SRD5A2: variants seen among roughly 807,000 people sequenced by gnomAD.
SRD5A2 encodes the protein 3-oxo-5-alpha-steroid 4-dehydrogenase 2.
Under a neutral mutation model 27.4 loss-of-function variants are expected in SRD5A2, and 30 were observed. The ratio of observed to expected loss-of-function variants is 1.10; its 90% CI spans 0.82 to 1.49. SRD5A2 has a LOEUF of 1.49. Among genes scored for constraint, SRD5A2 ranks in the 40% most tolerant of loss-of-function variants. The pLI, the probability that SRD5A2 is intolerant of heterozygous loss-of-function variation, is 0.00. For missense variants in SRD5A2, 348 were observed against 323.4 expected (o/e 1.08, Z -0.58); for synonymous variants, 141 against 133.6 (o/e 1.06, Z -0.38).
chr2:31,622,605 G>C, the SRD5A2 span, among the ~76,000 whole-genome samples: 2 of 152,106 alleles, frequency 1.3e-5, no homozygotes, highest in Admixed American at 6.6e-5. Flanking sequence ...AATACTGGCT[G>C]CAGGCATTGC....
the SRD5A2 span, among the ~76,000 whole-genome samples, chr2:31,586,512 G>A: frequency 6.6e-6 from 1 of 152,168 alleles, no homozygotes; most frequent in Non-Finnish European, 1.5e-5. Context: ...CAGGGGTGCT[G>A]GTTTCACTCC....
chr2:31,593,973 T>G, the SRD5A2 span, among the ~76,000 whole-genome samples: 1 of 152,160 alleles, frequency 6.6e-6, no homozygotes, highest in Non-Finnish European at 1.5e-5. Context: ...AGAGATAAAG[T>G]CTTTTCCAAA....
chr2:31,547,957 C>T (rs1432461834), intron 1 of SRD5A2, among the ~76,000 whole-genome samples: 1 of 152,052 alleles, frequency 6.6e-6, no homozygotes, highest in Non-Finnish European at 1.5e-5. Flanking sequence ...CTCTGAAGAA[C>T]CCTGATTAAA....
chr2:31,537,752 C>T lies in SRD5A2; in HGVS notation c.282-3986G>A, dbSNP rs550568884. The stretch of plus-strand genomic sequence containing the variant: ...AAAATTTGTGTGCTGGAAATTTAAT[C>T]CCCAATGCAACGGTGCTGAAAGGTG... On this transcript the variant is annotated intron_variant, in intron 1 of 4. Coordinates refer to ENST00000622030, the MANE Select transcript of SRD5A2 (RefSeq NM_000348.4). Among the ~76,000 whole-genome samples the T allele has an allele frequency of 2.6e-5, 4 of 152,204 alleles. No homozygotes were observed. The South Asian group carries it at 8.3e-4, about 32-fold the overall frequency.
chr2:31,563,849 C>A (rs1666676449), intron 1 of SRD5A2, among the ~76,000 whole-genome samples: 2 of 152,074 alleles, frequency 1.3e-5, no homozygotes, highest in Non-Finnish European at 2.9e-5. Context: ...AAAGGCTTTA[C>A]CTCAGAGGAA....
chr2:31,581,808 C>G (rs1667089090), upstream of SRD5A2, among the ~76,000 whole-genome samples: 1 of 152,138 alleles, frequency 6.6e-6, no homozygotes, highest in Non-Finnish European at 1.5e-5. Context: ...CGTGGCCCAT[C>G]AGGTGGTGGC....
chr2:31,623,590 A>T, the SRD5A2 span, among the ~76,000 whole-genome samples: 1 of 151,904 alleles, frequency 6.6e-6, no homozygotes, highest in Non-Finnish European at 1.5e-5. Flanking sequence ...TCTACCTTTG[A>T]TTTTTGAGAG....
chr2:31,580,275 G>T (rs979633045), intron 1 of SRD5A2, among the ~76,000 whole-genome samples: 1 of 152,230 alleles, frequency 6.6e-6, no homozygotes, highest in African/African-American at 2.4e-5. Flanking sequence ...CGCAGTTAAG[G>T]AACAGTCCTG....
the SRD5A2 span, among the ~76,000 whole-genome samples, chr2:31,642,382 T>TA: frequency 1.3e-5 from 2 of 151,950 alleles, no homozygotes; most frequent in African/African-American, 4.8e-5. Flanking sequence ...AGAGAACTCT[T>TA]ACAACTCAAT....
At chr2:31,612,948 G>C in the SRD5A2 span, among the ~76,000 whole-genome samples, 1 of 152,098 alleles carries the variant, frequency 6.6e-6, no homozygotes, top group Non-Finnish European at 1.5e-5. Context: ...ATGGTGTAGA[G>C]AAACTGGACA....
intron 1 of SRD5A2, among the ~76,000 whole-genome samples, chr2:31,540,519 A>G (rs1368573802): frequency 2.0e-5 from 3 of 152,242 alleles, no homozygotes; most frequent in Non-Finnish European, 4.4e-5. Flanking sequence ...TATCATAAAA[A>G]CATTAAATAA....
chr2:31,559,343 T>A (rs568992218), intron 1 of SRD5A2, among the ~76,000 whole-genome samples: 46 of 152,356 alleles, frequency 3.0e-4, no homozygotes, highest in African/African-American at 1.1e-3. Context: ...AAGAAAGACT[T>A]CCCTGGAAAC....
At chr2:31,613,249 T>C in the SRD5A2 span, among the ~76,000 whole-genome samples, 1 of 151,948 alleles carries the variant, frequency 6.6e-6, no homozygotes, top group Admixed American at 6.6e-5. Context: ...GGAGAAAATA[T>C]TTACAAACCA....
At chr2:31,597,309 T>C in the SRD5A2 span, among the ~76,000 whole-genome samples, 3 of 151,936 alleles carry the variant, frequency 2.0e-5, no homozygotes, top group Non-Finnish European at 2.9e-5. Context: ...TCTCACCTAA[T>C]ACAAATTCAA....
the SRD5A2 span, among the ~76,000 whole-genome samples, chr2:31,586,227 C>G: frequency 6.6e-6 from 1 of 152,140 alleles, no homozygotes; most frequent in South Asian, 2.1e-4. Context: ...CCCCCCAGCT[C>G]AATTTTAATG....
chr2:31,566,039 T>C (rs1308601032), intron 1 of SRD5A2, among the ~76,000 whole-genome samples: 1 of 152,078 alleles, frequency 6.6e-6, no homozygotes, highest in Non-Finnish European at 1.5e-5. Context: ...GGAATTAAAT[T>C]AGAAATGAAT....
chr2:31,583,144 A>G (rs1051232147), upstream of SRD5A2, among the ~76,000 whole-genome samples: 1 of 152,206 alleles, frequency 6.6e-6, no homozygotes, highest in Non-Finnish European at 1.5e-5. Flanking sequence ...CATCTGTGTA[A>G]CAAGTTAGAG....
At chr2:31,572,857 T>G (rs1666879337) in intron 1 of SRD5A2, among the ~76,000 whole-genome samples, 1 of 152,154 alleles carries the variant, frequency 6.6e-6, no homozygotes, top group Admixed American at 6.5e-5. Flanking sequence ...CACAGTAACT[T>G]CTAGGATCAG....
At chr2:31,533,546 G>A in intron 2 of SRD5A2, 57 bp downstream of exon 2, 3 of 1,503,424 alleles carry the variant, frequency 2.0e-6, no homozygotes, top group Non-Finnish European at 2.7e-6. Flanking sequence ...TGGCGATGTA[G>A]ATTGTGGGAA....
Sources: gnomAD v4.1 joint callset for allele counts (sites outside exome capture counted in the v4.1 genomes callset) on GRCh38, gnomAD v4.1.1 for gene constraint, MANE v1.5 for transcripts, NCBI Gene and HGNC (gene_info 2026-07-23, HGNC 2026-07-21) for gene names.